The following RYR3 variants were observed in gnomAD, a reference collection of about 807,000 sequenced individuals.
The protein encoded by RYR3 is brain ryanodine receptor-calcium release channel.
A neutral mutation model predicts 584.3 loss-of-function variants in RYR3; 207 were observed. That is an observed-to-expected ratio of 0.35 (90% CI 0.32 to 0.40). RYR3 has a LOEUF of 0.40. RYR3 is among the 10% of genes least tolerant of loss of function. The probability of loss-of-function intolerance (pLI) is 1.00; values close to 1 mark genes in which losing one functional copy is unlikely to be tolerated. For missense variants in RYR3, 5,616 were observed against 6,089.2 expected (o/e 0.92, Z 2.59); for synonymous variants, 2,416 against 2,248.5 (o/e 1.07, Z -2.11).
Position 33,698,147 on chromosome 15 carries a change from G to A in RYR3, c.6249+151G>A, listed in dbSNP as rs975087818. 3.3e-5 allele frequency among the ~76,000 whole-genome samples: 5 copies of A among 152,198 alleles called. No individual in the cohort carries two copies. The South Asian group carries it at 6.2e-4, about 19-fold the overall frequency. On this transcript the variant is annotated intron_variant, in intron 40 of 103. Transcript: ENST00000634891. ...GCACAGTGCCAAGAAGGAGCCAAGC[G>A]ATGGGATAATGCTGCTGGACGGAAT...
chr15:33,710,902 T>A (rs914171634), intron 43 of RYR3, among the ~76,000 whole-genome samples: 1 of 152,210 alleles, frequency 6.6e-6, no homozygotes, highest in Admixed American at 6.5e-5. Context: ...GCCCACAAGT[T>A]AATTCTTCCC....
chr15:33,460,667 C>T (rs545886201), intron 1 of RYR3, among the ~76,000 whole-genome samples: 7 of 152,152 alleles, frequency 4.6e-5, no homozygotes, highest in Non-Finnish European at 7.3e-5. Flanking sequence ...AAGAAATCGC[C>T]GTCTTGCTCT....
rs917778628 is a variant in RYR3 at position 33,865,393 on chromosome 15, G to A, written c.*167G>A. ...TATTTTGAAATTGATTTGGCTTTTT[G>A]TGCCTAATGGACATACACTGTGGGA... On this transcript the variant is annotated 3_prime_UTR_variant, in exon 104 of 104. Transcript: ENST00000634891. 2 of 593,888 alleles carry A rather than the reference G, an allele frequency of 3.4e-6. No individual in the cohort carries two copies. The highest frequency in any genetic ancestry group is 6.0e-6 in the Non-Finnish European group (2 of 336,004). The allele number at this position is 593,888 out of a possible 1,614,324, so 36.8% of individuals were successfully genotyped here.
intron 1 of RYR3, among the ~76,000 whole-genome samples, chr15:33,448,584 T>C (rs1290625691): frequency 1.3e-5 from 2 of 152,248 alleles, no homozygotes; most frequent in Non-Finnish European, 2.9e-5. Context: ...AAAAAGTATG[T>C]ACAAGAGTTT....
chr15:33,737,255 C>G (rs2069570739), intron 49 of RYR3, among the ~76,000 whole-genome samples: 1 of 152,142 alleles, frequency 6.6e-6, no homozygotes, highest in Admixed American at 6.5e-5. Context: ...AACCACCATG[C>G]CTGGCCTTCC....
At chr15:33,855,018 A>G in intron 98 of RYR3, 106 bp downstream of exon 98, 1 of 1,177,592 alleles carries the variant, frequency 8.5e-7, no homozygotes, top group Non-Finnish European at 1.1e-6. Context: ...GTCTTGGTAT[A>G]TAATGTACTT....
intron 30 of RYR3, 35 bp from the exon 31 acceptor site, chr15:33,649,037 G>A (rs1370762385): frequency 1.3e-6 from 2 of 1,581,240 alleles, no homozygotes; most frequent in East Asian, 2.3e-5. Context: ...ATGGGGGCTG[G>A]GGGCCATTGA....
At chr15:33,601,307 C>T in intron 16 of RYR3, 112 bp from the exon 17 acceptor site, 1 of 1,089,468 alleles carries the variant, frequency 9.2e-7, no homozygotes, top group Non-Finnish European at 1.3e-6. Context: ...TGGCTCTCTA[C>T]CCGTCACCTA....
At chr15:33,386,589 T>C (rs939843416) in intron 1 of RYR3, among the ~76,000 whole-genome samples, 4 of 152,220 alleles carry the variant, frequency 2.6e-5, no homozygotes, top group Non-Finnish European at 5.9e-5. Context: ...CAGTTCAATA[T>C]TGCTAAGTAT....
chr15:33,511,343 A>AAC (rs915419535), intron 3 of RYR3, among the ~76,000 whole-genome samples: 1 of 151,718 alleles, frequency 6.6e-6, no homozygotes, highest in Non-Finnish European at 1.5e-5. Flanking sequence ...AAAAAAAAAA[A>AAC]AAAAAAAACT....
chr15:33,675,347 CT>C (rs1232865475), intron 38 of RYR3, among the ~76,000 whole-genome samples: 13 of 152,332 alleles, frequency 8.5e-5, no homozygotes, highest in South Asian at 6.2e-4. Context: ...GAGTAAGTAA[CT>C]TTCCAAAATC....
chr15:33,344,215 A>G (rs889593084), intron 1 of RYR3, among the ~76,000 whole-genome samples: 15 of 152,232 alleles, frequency 9.9e-5, no homozygotes, highest in African/African-American at 3.6e-4. Context: ...ACCTGCACCA[A>G]AAATGGAAAC....
At chr15:33,797,913 A>G (rs1021092520) in intron 67 of RYR3, among the ~76,000 whole-genome samples, 1 of 152,236 alleles carries the variant, frequency 6.6e-6, no homozygotes, top group African/African-American at 2.4e-5. Flanking sequence ...AAGCATTGCC[A>G]ACCTCAAGCC....
chr15:33,821,617 C>T lies in RYR3; in HGVS notation c.10995+15C>T. On this transcript the variant is annotated intron_variant, in intron 80 of 103. Coordinates refer to ENST00000634891, the MANE Select transcript of RYR3 (RefSeq NM_001036.6). Reference sequence around the variant, plus strand: ...GTGTGCAACAGGTAACGGGAACTTGCAGCGGCTGGGCAGGCTCCCGGGGTA... The same window carrying T: ...GTGTGCAACAGGTAACGGGAACTTGTAGCGGCTGGGCAGGCTCCCGGGGTA... The T allele has an allele frequency of 1.9e-6, 3 of 1,612,936 alleles. No homozygotes were observed. Among genetic ancestry groups the T allele is most frequent in the Non-Finnish European group, 2.5e-6 (3 of 1,179,176 alleles).
chr15:33,815,601 C>G lies in RYR3; in HGVS notation c.10503-1261C>G, dbSNP rs2076774844. 2.6e-5 allele frequency among the ~76,000 whole-genome samples: 4 copies of G among 152,182 alleles called. No individual in the cohort carries two copies. The South Asian group carries it at 8.3e-4, about 32-fold the overall frequency. The stretch of plus-strand genomic sequence containing the variant: ...TGTCCTTCATGAAGCATGACCGTCC[C>G]TAACTCAGTTGTTTTAGAGGGGCTG... On this transcript the variant is annotated intron_variant, in intron 74 of 103. Coordinates refer to ENST00000634891, the MANE Select transcript of RYR3 (RefSeq NM_001036.6).
chr15:33,688,871 C>T (rs1596165489), intron 38 of RYR3, among the ~76,000 whole-genome samples: 2 of 152,278 alleles, frequency 1.3e-5, no homozygotes, highest in South Asian at 2.1e-4. Flanking sequence ...AATCCCATTA[C>T]TGGGTATATA....
chr15:33,854,632 TG>T, intron 97 of RYR3, 133 bp from the exon 98 acceptor site: 2 of 1,220,418 alleles, frequency 1.6e-6, no homozygotes, highest in South Asian at 1.5e-5. Context: ...TAGCAGATCT[TG>T]GGCCAGCTCA....
intron 19 of RYR3, among the ~76,000 whole-genome samples, chr15:33,613,834 A>G (rs2060319454): frequency 6.6e-6 from 1 of 152,172 alleles, no homozygotes; most frequent in Non-Finnish European, 1.5e-5. Context: ...TGTCTTGATT[A>G]TCTTTTATTC....
intron 16 of RYR3, among the ~76,000 whole-genome samples, chr15:33,588,579 C>T (rs1446743609): frequency 1.3e-5 from 2 of 152,114 alleles, no homozygotes; most frequent in Non-Finnish European, 2.9e-5. Flanking sequence ...ACATTGTACT[C>T]ATTAAGCAAT....
Sources: allele counts gnomAD v4.1 joint callset (sites outside exome capture counted in the v4.1 genomes callset), GRCh38; gene constraint gnomAD v4.1.1; transcripts MANE v1.5; gene names NCBI Gene and HGNC (gene_info 2026-07-23, HGNC 2026-07-21).